The following ZFHX3 variants were observed in gnomAD, a reference collection of about 807,000 sequenced individuals.
ZFHX3 encodes the protein zinc finger homeobox protein 3.
A neutral mutation model predicts 279.1 loss-of-function variants in ZFHX3; 42 were observed. That is an observed-to-expected ratio of 0.15 (90% CI 0.12 to 0.19). The LOEUF (loss-of-function observed/expected upper bound fraction) is 0.19, where lower values mean the gene tolerates loss of function less well. ZFHX3 is among the 10% of genes least tolerant of loss of function. The pLI is 1.00. For synonymous variants in ZFHX3, 2,293 were observed against 1,957.8 expected (o/e 1.17, Z -4.52); for missense variants, 4,981 against 4,754.0 (o/e 1.05, Z -1.40).
At chr16:73,605,733 G>C (rs1395459651) in intron 2 of ZFHX3, among the ~76,000 whole-genome samples, 5 of 152,088 alleles carry the variant, frequency 3.3e-5, no homozygotes, top group African/African-American at 1.2e-4. Context: ...GTGAACAGCA[G>C]ACATTCTCTT....
intron 2 of ZFHX3, among the ~76,000 whole-genome samples, chr16:73,623,130 G>T (rs1259899816): frequency 6.6e-6 from 1 of 151,784 alleles, no homozygotes; most frequent in South Asian, 2.1e-4. Flanking sequence ...TCCGCCTCCC[G>T]GGTTCACACC....
At chr16:73,101,057 A>G (rs1445296291) in intron 7 of ZFHX3, among the ~76,000 whole-genome samples, 1 of 151,914 alleles carries the variant, frequency 6.6e-6, no homozygotes, top group African/African-American at 2.4e-5. Context: ...TCATTCTCAA[A>G]CCATCTAAAT....
At chr16:73,245,850 T>G (rs1196800396) in intron 5 of ZFHX3, among the ~76,000 whole-genome samples, 1 of 152,130 alleles carries the variant, frequency 6.6e-6, no homozygotes, top group Non-Finnish European at 1.5e-5. Context: ...GTAAGGGTCC[T>G]AGAAGGTGAG....
chr16:73,451,877 C>CA (rs1393980427), intron 3 of ZFHX3, among the ~76,000 whole-genome samples: 2 of 152,182 alleles, frequency 1.3e-5, no homozygotes, highest in African/African-American at 2.4e-5. Context: ...ACAACACCGT[C>CA]ATTTTGAGCC....
intron 2 of ZFHX3, among the ~76,000 whole-genome samples, chr16:73,498,581 T>C (rs892957439): frequency 6.6e-6 from 1 of 152,212 alleles, no homozygotes; most frequent in Non-Finnish European, 1.5e-5. Context: ...AGAAGGAGCA[T>C]TTTTATGGAA....
chr16:73,292,474 G>T (rs2143103130), intron 4 of ZFHX3, among the ~76,000 whole-genome samples: 1 of 152,206 alleles, frequency 6.6e-6, no homozygotes, highest in East Asian at 1.9e-4. Context: ...GAAATGCCAG[G>T]TTTTATTTTA....
intron 3 of ZFHX3, among the ~76,000 whole-genome samples, chr16:73,336,413 G>A (rs1567453909): frequency 7.8e-6 from 1 of 128,428 alleles, no homozygotes; most frequent in Non-Finnish European, 1.6e-5. Flanking sequence ...GGAGGCCCCT[G>A]TGTCTATTGT....
chr16:73,087,513 A>C (rs1346117764), intron 8 of ZFHX3, among the ~76,000 whole-genome samples: 1 of 152,194 alleles, frequency 6.6e-6, no homozygotes, highest in Non-Finnish European at 1.5e-5. Context: ...AAACATCACC[A>C]GTTTTAGATA....
intron 1 of ZFHX3, 77 bp from the exon 2 acceptor site, chr16:72,960,271 G>GGCTGAGGTCCT: frequency 8.3e-7 from 1 of 1,210,072 alleles, no homozygotes; most frequent in Non-Finnish European, 1.1e-6. Context: ...GGAGGGCCGA[G>GGCTGAGGTCCT]GCTGAGGTCC....
intron 1 of ZFHX3, among the ~76,000 whole-genome samples, chr16:73,872,159 G>A (rs1292189727): frequency 6.6e-6 from 1 of 152,046 alleles, no homozygotes; most frequent in Non-Finnish European, 1.5e-5. Context: ...CAAAAGCCAT[G>A]ACCAACACTT....
intron 1 of ZFHX3, among the ~76,000 whole-genome samples, chr16:73,056,253 A>C (rs1178968216): frequency 2.0e-5 from 3 of 152,192 alleles, no homozygotes; most frequent in African/African-American, 7.2e-5. Flanking sequence ...CCAAGCTTTC[A>C]AGACTGACTG....
At chr16:72,926,042 T>C (rs918972889) in intron 3 of ZFHX3, among the ~76,000 whole-genome samples, 1 of 152,238 alleles carries the variant, frequency 6.6e-6, no homozygotes, top group African/African-American at 2.4e-5. Flanking sequence ...CAAAATTCTG[T>C]GATCTATTTA....
chr16:73,672,544 A>G (rs1382071311), intron 2 of ZFHX3, among the ~76,000 whole-genome samples: 1 of 152,176 alleles, frequency 6.6e-6, no homozygotes, highest in Non-Finnish European at 1.5e-5. Context: ...CAGAGCCAAC[A>G]TCAAATAATA....
chr16:73,325,902 AACACACACACACACACACACACACAAAC>A (rs1380298703), intron 3 of ZFHX3, among the ~76,000 whole-genome samples: 74 of 91,220 alleles, frequency 8.1e-4, no homozygotes, highest in Non-Finnish European at 1.6e-3. Context: ...CACACACACA[AACACACACACACACACACACACACAAAC>A]ACACACACAC....
At chr16:73,570,015 G>C (rs2051717790) in intron 2 of ZFHX3, among the ~76,000 whole-genome samples, 1 of 152,194 alleles carries the variant, frequency 6.6e-6, no homozygotes, top group African/African-American at 2.4e-5. Context: ...TTAAAAAACA[G>C]TTATTCCTTG....
chr16:73,682,975 AAAGAAAGAAAGAAAGAAAAG>A (rs1567550764), intron 1 of ZFHX3, among the ~76,000 whole-genome samples: 12 of 35,208 alleles, frequency 3.4e-4, no homozygotes, highest in Admixed American at 7.4e-4. Flanking sequence ...AGAAAGAAAG[AAAGAAAGAAAGAAAGAAAAG>A]AAAGAAAGAA....
chr16:73,559,222 TA>T (rs1231462275), intron 2 of ZFHX3, among the ~76,000 whole-genome samples: 1 of 152,032 alleles, frequency 6.6e-6, no homozygotes, highest in Non-Finnish European at 1.5e-5. Flanking sequence ...TGATTTTTTT[TA>T]TTTTTGTAGA....
At chr16:72,807,735 C>T (rs1429878280) in intron 7 of ZFHX3, 1 of 152,184 alleles carries the variant, frequency 6.6e-6, no homozygotes, top group Non-Finnish European at 1.5e-5. Context: ...CCAGAATTTA[C>T]AGCTGTAAAT....
intron 1 of ZFHX3, among the ~76,000 whole-genome samples, chr16:73,730,622 C>T (rs2053562407): frequency 2.6e-5 from 4 of 152,158 alleles, no homozygotes; most frequent in Admixed American, 2.6e-4. Flanking sequence ...TTGTACTCTT[C>T]CCAAGAGGCC....
Sources: gnomAD v4.1 joint callset for allele counts (sites outside exome capture counted in the v4.1 genomes callset) on GRCh38, gnomAD v4.1.1 for gene constraint, MANE v1.5 for transcripts, NCBI Gene and HGNC (gene_info 2026-07-23, HGNC 2026-07-21) for gene names.